Variants in SNX29 observed in about 807,000 individuals in gnomAD.
SNX29 encodes sorting nexin-29.
SNX29 carries 78 observed loss-of-function variants against 102.1 expected under a neutral mutation model. The observed-to-expected ratio is 0.76, with a 90% CI of 0.64 to 0.92. SNX29 has a LOEUF of 0.92. Ranked by LOEUF, SNX29 falls within the 40% of genes least tolerant of loss-of-function variation. The probability of loss-of-function intolerance (pLI) is 0.00; values close to 1 mark genes in which losing one functional copy is unlikely to be tolerated. For missense variants in SNX29, 1,280 were observed against 1,061.7 expected, an observed-to-expected ratio of 1.21 and a Z score of -2.86; for synonymous variants, 580 against 414.5, an observed-to-expected ratio of 1.40 and a Z score of -4.85.
chr16:12,162,574 A>T (rs893508070), intron 13 of SNX29, among the ~76,000 whole-genome samples: 2 of 152,220 alleles, frequency 1.3e-5, no homozygotes, highest in South Asian at 4.1e-4. Flanking sequence ...ACAGAGCAGA[A>T]ATGTGTGGTA....
chr16:12,389,509 C>T (rs531019464), intron 16 of SNX29, among the ~76,000 whole-genome samples: 4 of 152,276 alleles, frequency 2.6e-5, no homozygotes, highest in South Asian at 4.1e-4. Flanking sequence ...TGCCTTCCAC[C>T]GTGATTGTGA....
chr16:12,480,378 C>A (rs1182693043), intron 19 of SNX29, among the ~76,000 whole-genome samples: 1 of 152,184 alleles, frequency 6.6e-6, no homozygotes, highest in African/African-American at 2.4e-5. Flanking sequence ...TCACTCAGCC[C>A]TCTGCTTCCA....
intron 15 of SNX29, among the ~76,000 whole-genome samples, chr16:12,338,742 AGAT>A (rs1234483896): frequency 6.6e-6 from 1 of 152,182 alleles, no homozygotes; most frequent in East Asian, 1.9e-4. Flanking sequence ...GGGGCCTGGG[AGAT>A]GAGACTCTAT....
At chr16:12,289,887 T>C (rs1357784095) in intron 15 of SNX29, among the ~76,000 whole-genome samples, 1 of 152,016 alleles carries the variant, frequency 6.6e-6, no homozygotes, top group Non-Finnish European at 1.5e-5. Flanking sequence ...AAGGTTGGGC[T>C]CAGAGTTCAG....
intron 18 of SNX29, among the ~76,000 whole-genome samples, chr16:12,468,537 C>T (rs975778197): frequency 2.4e-4 from 37 of 152,104 alleles, no homozygotes; most frequent in African/African-American, 8.4e-4. Context: ...GGCGTGGTGC[C>T]CCTGGCAGAA....
At chr16:12,060,879 A>T (rs1453725673) in intron 8 of SNX29, 1 of 456,242 alleles carries the variant, frequency 2.2e-6, no homozygotes, top group Non-Finnish European at 4.4e-6. Flanking sequence ...AGCATGGTTA[A>T]TAATTGAGCC....
intron 18 of SNX29, among the ~76,000 whole-genome samples, chr16:12,470,013 CA>C (rs1187260348): frequency 1.3e-5 from 2 of 151,894 alleles, no homozygotes; most frequent in East Asian, 3.9e-4. Flanking sequence ...AACTCCGTCT[CA>C]AAAAAATAAA....
In SNX29 at chr16:12,572,740, GC is replaced by G. The variant is rs1175558731; in HGVS notation, c.*4112del. 3.8e-6 allele frequency: 4 copies of G among 1,063,854 alleles called. No homozygotes were observed. The African/African-American group carries it at 6.6e-5, about 17-fold the overall frequency. 65.9% of individuals were successfully genotyped at this position (1,063,854 alleles called of 1,614,324 possible). On this transcript the variant is annotated 3_prime_UTR_variant, in exon 21 of 21. Transcript: ENST00000566228. ...GCACAGAACTGATGGCAAAGGAAGG[GC>G]TGGGTTTTCAGCTTCTGGGACCCGA...
chr16:12,365,267 C>T (rs776748494), intron 16 of SNX29, among the ~76,000 whole-genome samples: 1 of 151,754 alleles, frequency 6.6e-6, no homozygotes, highest in Non-Finnish European at 1.5e-5. Context: ...GCCCATTCTT[C>T]ATCTGCGAAG....
intron 15 of SNX29, among the ~76,000 whole-genome samples, chr16:12,339,932 G>A (rs2081564326): frequency 6.6e-6 from 1 of 152,188 alleles, no homozygotes; most frequent in Non-Finnish European, 1.5e-5. Context: ...TCACTAGGAA[G>A]AGAGGTGGTT....
In SNX29 at chr16:12,572,025, A is replaced by T. The variant is rs1186027801; in HGVS notation, c.*3396A>T. ...CATCTAGGGAGCTGCTGGCTATAAA[A>T]GGGATCATCCAGTGGAGTTGTAAAC... On this transcript the variant is annotated 3_prime_UTR_variant, in exon 21 of 21. Coordinates refer to ENST00000566228, the MANE Select transcript of SNX29 (RefSeq NM_032167.5). The T allele has an allele frequency of 1.9e-6, 2 of 1,062,612 alleles. No individual in the cohort carries two copies. The highest frequency in any genetic ancestry group is 3.3e-5 in the African/African-American group (2 of 60,934). The allele number at this position is 1,062,612 out of a possible 1,614,324, so 65.8% of individuals were successfully genotyped here. A position where few individuals can be genotyped will look rare whatever the true frequency, so the allele number is the denominator to read the frequency against.
rs191055635 is a variant in SNX29, at chr16:12,228,106, G to C, written c.1678+28423G>C. Among the ~76,000 whole-genome samples, 6 of 152,208 alleles carry C rather than the reference G, an allele frequency of 3.9e-5. No individual in the cohort carries two copies. The East Asian group carries it at 9.7e-4, about 25-fold the overall frequency. ...GACTGGGCAACACAGTTGAGACCCT[G>C]TCAGGAAAAGAAAAGGAGAATGTCA... On this transcript the variant is annotated intron_variant, in intron 14 of 20. Coordinates refer to ENST00000566228, the MANE Select transcript of SNX29 (RefSeq NM_032167.5).
intron 20 of SNX29, among the ~76,000 whole-genome samples, chr16:12,563,507 C>A (rs1186316301): frequency 2.0e-5 from 3 of 152,190 alleles, no homozygotes; most frequent in African/African-American, 7.2e-5. Flanking sequence ...CGGGGAGACT[C>A]CTCCCCGCAT....
intron 14 of SNX29, among the ~76,000 whole-genome samples, chr16:12,257,230 T>G (rs2078600285): frequency 6.6e-6 from 1 of 152,158 alleles, no homozygotes; most frequent in Non-Finnish European, 1.5e-5. Flanking sequence ...TTGAGTCCTT[T>G]TCATTCTTGG....
At chr16:12,166,695 T>G (rs1349017953) in intron 13 of SNX29, among the ~76,000 whole-genome samples, 1 of 152,128 alleles carries the variant, frequency 6.6e-6, no homozygotes, top group African/African-American at 2.4e-5. Flanking sequence ...CACCCTCCTT[T>G]AGAGGCCCCG....
chr16:12,552,238 C>G (rs939177114), intron 20 of SNX29, among the ~76,000 whole-genome samples: 1 of 148,916 alleles, frequency 6.7e-6, no homozygotes, highest in Non-Finnish European at 1.5e-5. Flanking sequence ...GCACCATGCC[C>G]CAGCTTTGCC....
In SNX29 at chr16:12,024,291, G is replaced by A. The variant is rs142583676; in HGVS notation, c.123-3029G>A. Among the ~76,000 whole-genome samples the A allele has an allele frequency of 9.4e-3, 1,422 of 151,994 alleles. 16 individuals are homozygous for A. The highest frequency in any genetic ancestry group is 0.032 in the African/African-American group (1,340 of 41,446). On this transcript the variant is annotated intron_variant, in intron 3 of 20. Coordinates refer to ENST00000566228, the MANE Select transcript of SNX29 (RefSeq NM_032167.5). ...GTAGCTGGGATTATAAGCATGTGCC[G>A]CCACACCCAGCTCATTTTATATATA...
chr16:12,280,006 C>G (rs1394722438), intron 15 of SNX29, among the ~76,000 whole-genome samples: 1 of 152,216 alleles, frequency 6.6e-6, no homozygotes, highest in African/African-American at 2.4e-5. Flanking sequence ...CGTGGAGATT[C>G]TCCACCTGTG....
intron 1 of SNX29, 142 bp downstream of exon 1, chr16:11,976,955 C>A: frequency 3.7e-6 from 4 of 1,091,890 alleles, no homozygotes; most frequent in East Asian, 3.3e-5. Context: ...GACCCCTGGC[C>A]CCCAGGACTC....
Sources: allele counts gnomAD v4.1 joint callset (sites outside exome capture counted in the v4.1 genomes callset), GRCh38; gene constraint gnomAD v4.1.1; transcripts MANE v1.5; gene names NCBI Gene and HGNC (gene_info 2026-07-23, HGNC 2026-07-21).